The following DOCK5 variants were observed in gnomAD, a reference collection of about 807,000 sequenced individuals.
The protein encoded by DOCK5 is dedicator of cytokinesis 5.
DOCK5 carries 142 observed loss-of-function variants against 251.8 expected under a neutral mutation model. The observed-to-expected ratio is 0.56, with a 90% CI of 0.49 to 0.65. DOCK5 has a LOEUF of 0.65. Among genes scored for constraint, DOCK5 ranks in the 30% least tolerant of loss-of-function variants. The pLI, the probability that DOCK5 is intolerant of heterozygous loss-of-function variation, is 0.00. For missense variants in DOCK5, 2,111 were observed against 2,312.3 expected (o/e 0.91, Z 1.79); for synonymous variants, 842 against 835.5 (o/e 1.01, Z -0.13).
Position 25,239,754 on chromosome 8 carries a change from C to T in DOCK5, c.44-3920C>T, listed in dbSNP as rs549497267. Among the ~76,000 whole-genome samples the T allele has an allele frequency of 2.6e-5, 4 of 152,244 alleles. No individual in the cohort carries two copies. In the South Asian group the frequency reaches 8.3e-4, roughly 32 times the overall value. On this transcript the variant is annotated intron_variant, in intron 1 of 51. Coordinates refer to ENST00000276440, the MANE Select transcript of DOCK5 (RefSeq NM_024940.8). ...ATTACTCCTACTTCTGAATCGCGTG[C>T]GATTTCTCCTAACCTATGTCACCAG...
chr8:25,326,895 C>T (rs1431897784), intron 18 of DOCK5, among the ~76,000 whole-genome samples: 1 of 152,144 alleles, frequency 6.6e-6, no homozygotes, highest in Non-Finnish European at 1.5e-5. Flanking sequence ...TATGCAGCTG[C>T]TAAATATGGT....
rs185337545 is a variant in DOCK5, at chr8:25,219,397, C to T, written c.44-24277C>T. On this transcript the variant is annotated intron_variant, in intron 1 of 51. Coordinates refer to ENST00000276440, the MANE Select transcript of DOCK5 (RefSeq NM_024940.8). ...TCTGTTAATTTCAATCTGGCATAGT[C>T]GCTCTTTATATCTCTGTCCATGGCT... 3.9e-5 allele frequency among the ~76,000 whole-genome samples: 6 copies of T among 152,208 alleles called. No individual in the cohort carries two copies. The East Asian group carries it at 5.8e-4, about 15-fold the overall frequency.
intron 48 of DOCK5, among the ~76,000 whole-genome samples, chr8:25,405,253 A>G (rs1483273422): frequency 1.3e-5 from 2 of 151,602 alleles, no homozygotes; most frequent in African/African-American, 4.8e-5. Flanking sequence ...CCACTCTAAG[A>G]TAACAAAAAA....
At chr8:25,239,496 G>C (rs1373314901) in intron 1 of DOCK5, among the ~76,000 whole-genome samples, 1 of 152,018 alleles carries the variant, frequency 6.6e-6, no homozygotes, top group African/African-American at 2.4e-5. Context: ...ATTACACAAT[G>C]CATTGTGACT....
intron 1 of DOCK5, among the ~76,000 whole-genome samples, chr8:25,206,282 G>A (rs182319522): frequency 1.3e-5 from 2 of 152,288 alleles, no homozygotes; most frequent in South Asian, 2.1e-4. Context: ...AGATTATGGG[G>A]AGACTTGTTT....
intron 6 of DOCK5, among the ~76,000 whole-genome samples, chr8:25,294,708 T>C (rs1237260722): frequency 6.6e-6 from 1 of 152,166 alleles, no homozygotes; most frequent in Admixed American, 6.5e-5. Flanking sequence ...TACCTGAGAC[T>C]GGGTAATTTA....
Position 25,382,654 on chromosome 8 carries a change from T to A in DOCK5, c.4027-20T>A. On this transcript the variant is annotated intron_variant, in intron 39 of 51. Transcript: ENST00000276440. ...GTGTACTTATAACCTCCCCTTGGAATGTCTTGTTTTGTTTTCCAGAAAAAA... is the reference window on the plus strand; with the variant it reads ...GTGTACTTATAACCTCCCCTTGGAAAGTCTTGTTTTGTTTTCCAGAAAAAA... 1 of 1,577,398 alleles carries A rather than the reference T, an allele frequency of 6.3e-7. No homozygotes were observed. Among genetic ancestry groups the A allele is most frequent in the Non-Finnish European group, 8.7e-7 (1 of 1,155,600 alleles).
At position 25,310,324 on chromosome 8, in the gene DOCK5, A is replaced by G. The variant is rs182227259; in HGVS notation, c.1193-83A>G. 5 of 1,406,498 alleles carry G rather than the reference A, an allele frequency of 3.6e-6. No individual in the cohort carries two copies. In the Admixed American group the frequency reaches 9.7e-5, roughly 27 times the overall value. 87.1% of individuals were successfully genotyped at this position (1,406,498 alleles called of 1,614,324 possible). On this transcript the variant is annotated intron_variant, in intron 12 of 51. Transcript: ENST00000276440. ...TTTACAGTAAGGTTGTGACTATACA[A>G]CTCAAATGTTCTTCTCACCAGTTAC... is the stretch of plus-strand genomic sequence containing the variant.
rs1800318694 is a variant in DOCK5 at position 25,344,354 on chromosome 8, G to T, written c.2618-1121G>T. Among the ~76,000 whole-genome samples the T allele has an allele frequency of 9.2e-5, 14 of 152,234 alleles. No individual in the cohort carries two copies. The South Asian group carries it at 2.7e-3, about 29-fold the overall frequency. On this transcript the variant is annotated intron_variant, in intron 25 of 51. Coordinates refer to ENST00000276440, the MANE Select transcript of DOCK5 (RefSeq NM_024940.8). ...TGAGGCAGCCACGGAGACTTCTTCT[G>T]GGGCTAACTACCTGGTCAGGGGCTC...
chr8:25,356,885 T>G (rs894350987), intron 27 of DOCK5, among the ~76,000 whole-genome samples: 3 of 143,930 alleles, frequency 2.1e-5, no homozygotes, highest in Non-Finnish European at 3.0e-5. Context: ...TAGATAAAAT[T>G]TTAAATCCCT....
intron 11 of DOCK5, among the ~76,000 whole-genome samples, chr8:25,308,581 C>G (rs2666166): frequency 0.75 from 113,851 of 152,000 alleles, 44,112 homozygotes; most frequent in Middle Eastern, 0.87. Flanking sequence ...TTTTTCCTCC[C>G]TCTTTGCCTC....
chr8:25,277,820 A>G (rs1804085858), intron 4 of DOCK5, among the ~76,000 whole-genome samples: 1 of 152,212 alleles, frequency 6.6e-6, no homozygotes, highest in East Asian at 1.9e-4. Flanking sequence ...AAAAAATCTT[A>G]CTATACCAGA....
intron 2 of DOCK5, among the ~76,000 whole-genome samples, chr8:25,247,963 G>A (rs1042767996): frequency 4.6e-5 from 7 of 151,774 alleles, no homozygotes; most frequent in South Asian, 2.2e-4. Flanking sequence ...TTTTTGCTGC[G>A]TCAGCCGTAG....
chr8:25,379,671 C>T (rs1408004131), intron 38 of DOCK5, among the ~76,000 whole-genome samples: 6 of 152,058 alleles, frequency 3.9e-5, no homozygotes, highest in Non-Finnish European at 5.9e-5. Flanking sequence ...GTAAGACAGG[C>T]GTAAGAAATT....
chr8:25,389,944 C>T (rs923817699), intron 41 of DOCK5, among the ~76,000 whole-genome samples: 1 of 148,322 alleles, frequency 6.7e-6, no homozygotes, highest in African/African-American at 2.5e-5. Flanking sequence ...GCATTGATGT[C>T]TATTTCCCTA....
At chr8:25,311,517 T>G (rs1805095867) in intron 13 of DOCK5, among the ~76,000 whole-genome samples, 1 of 145,318 alleles carries the variant, frequency 6.9e-6, no homozygotes, top group Non-Finnish European at 1.5e-5. Flanking sequence ...CACTCCAGCC[T>G]GGGCAACAAG....
intron 33 of DOCK5, 56 bp from the exon 34 acceptor site, chr8:25,369,500 C>T (rs1800835436): frequency 2.0e-6 from 3 of 1,508,022 alleles, no homozygotes; most frequent in Admixed American, 2.0e-5. Flanking sequence ...GAAAGTTGGC[C>T]ATGTCTTCTT....
chr8:25,249,417 G>C (rs2117558217), intron 2 of DOCK5, among the ~76,000 whole-genome samples: 1 of 152,210 alleles, frequency 6.6e-6, no homozygotes, highest in Admixed American at 6.5e-5. Context: ...GCAGAGGGTT[G>C]GGCAAATATC....
chr8:25,293,473 A>G (rs1563341100), intron 6 of DOCK5, among the ~76,000 whole-genome samples: 1 of 152,176 alleles, frequency 6.6e-6, no homozygotes, highest in East Asian at 1.9e-4. Flanking sequence ...GGTAGCTGTT[A>G]TTATTTACAT....
Sources: gnomAD v4.1 joint callset for allele counts (sites outside exome capture counted in the v4.1 genomes callset) on GRCh38, gnomAD v4.1.1 for gene constraint, MANE v1.5 for transcripts, NCBI Gene and HGNC (gene_info 2026-07-23, HGNC 2026-07-21) for gene names.